Variants in GPATCH2L observed in about 807,000 individuals in gnomAD.
The protein encoded by GPATCH2L is G-patch domain containing 2 like.
Under a neutral mutation model 57.4 loss-of-function variants are expected in GPATCH2L, and 31 were observed. The ratio of observed to expected loss-of-function variants is 0.54; its 90% CI spans 0.41 to 0.73. The LOEUF is 0.73. GPATCH2L is among the 30% of genes least tolerant of loss of function. The pLI, the probability that GPATCH2L is intolerant of heterozygous loss-of-function variation, is 0.00. For synonymous variants in GPATCH2L, 199 were observed against 210.7 expected (o/e 0.94, Z 0.48); for missense variants, 481 against 599.9 (o/e 0.80, Z 2.07).
intron 1 of GPATCH2L, among the ~76,000 whole-genome samples, chr14:76,228,993 A>C (rs1445517234): frequency 2.6e-5 from 4 of 152,186 alleles, no homozygotes; most frequent in African/African-American, 9.7e-5. Flanking sequence ...CATTTGGTGG[A>C]ATGGATGTGG....
intron 8 of GPATCH2L, among the ~76,000 whole-genome samples, chr14:76,181,736 C>T (rs2039566972): frequency 6.6e-6 from 1 of 152,138 alleles, no homozygotes; most frequent in African/African-American, 2.4e-5. Flanking sequence ...TTAATTGTAG[C>T]ACCCCCTACA....
At chr14:76,187,283 T>C (rs12433257) in intron 8 of GPATCH2L, among the ~76,000 whole-genome samples, 33,996 of 151,840 alleles carry the variant, frequency 0.22, 4,506 homozygotes, top group African/African-American at 0.37. Flanking sequence ...GAGTATTAAT[T>C]CTTTCTTTAG....
At position 76,203,840 on chromosome 14, in the gene GPATCH2L, GAA is replaced by G. The variant is rs1394372136; in HGVS notation, c.*1991_*1992del. ...TTAACATACTTGGTTGGGTTTGAGA[GAA>G]ATCTGTGGACGTAATTTTTTGTTTG... is the stretch of plus-strand genomic sequence containing the variant. On this transcript the variant is annotated 3_prime_UTR_variant, in exon 10 of 10. Coordinates refer to ENST00000261530, the MANE Select transcript of GPATCH2L (RefSeq NM_017926.4). The G allele has an allele frequency of 6.6e-6, 1 of 152,230 alleles. No individual in the cohort carries two copies. The highest frequency in any genetic ancestry group is 1.5e-5 in the Non-Finnish European group (1 of 68,052). 9.4% of individuals were successfully genotyped at this position (152,230 alleles called of 1,614,324 possible).
At position 76,195,882 on chromosome 14, in the gene GPATCH2L, G is replaced by A. The variant is rs1337883476; in HGVS notation, c.1198G>A (p.Ala400Thr). Residue 400 changes from alanine to threonine, a missense_variant, in exon 9 of 10, where the codon GCA (alanine) becomes ACA (threonine). Around this residue, in one of 3 missense-constraint regions of GPATCH2L, gnomAD observed 248 missense variants for 270.5 expected, o/e 0.92. Coordinates refer to ENST00000261530, the MANE Select transcript of GPATCH2L (RefSeq NM_017926.4). Reference sequence around the variant, plus strand: ...TTCTTCTTCTTACATCTGCAGACAGGCAAATGTACACTGGGGACCACCATG... The same window carrying A: ...TTCTTCTTCTTACATCTGCAGACAGACAAATGTACACTGGGGACCACCATG... ...CSPAHCSARQ[A>T]NVHWGPPCSR... 3.1e-6 allele frequency: 5 copies of A among 1,612,160 alleles called. No homozygotes were observed. The highest frequency in any genetic ancestry group is 4.2e-6 in the Non-Finnish European group (5 of 1,178,456).
chr14:76,170,114 T>G (rs1182925031), intron 3 of GPATCH2L, among the ~76,000 whole-genome samples: 2 of 152,150 alleles, frequency 1.3e-5, no homozygotes, highest in Non-Finnish European at 2.9e-5. Context: ...TTGAGTAACT[T>G]TCTTAGTTGT....
At chr14:76,162,747 G>A (rs1479297512) in intron 2 of GPATCH2L, among the ~76,000 whole-genome samples, 1 of 152,196 alleles carries the variant, frequency 6.6e-6, no homozygotes, top group Non-Finnish European at 1.5e-5. Flanking sequence ...GTCCCTGAGA[G>A]TATATTTTGG....
chr14:76,171,850 C>T lies in GPATCH2L; in HGVS notation c.735C>T (p.Asp245=), dbSNP rs772258899. ...FTNDEGRQGD[D]EQSDWFYEGE... The stretch of plus-strand genomic sequence containing the variant: ...ATGATGTCTTTACTTTAGGTGATGA[C>T]GAACAGAGTGATTGGTTCTATGAAG... The change falls in exon 4 of 10, where the codon GAC becomes GAT. Residue 245 remains aspartate (D), a synonymous_variant. Transcript: ENST00000261530. 23 of 1,572,834 alleles carry T rather than the reference C, an allele frequency of 1.5e-5. No individual in the cohort carries two copies. The highest frequency in any genetic ancestry group is 8.3e-5 in the South Asian group (7 of 84,708).
chr14:76,194,033 C>G (rs1414118935), intron 8 of GPATCH2L, among the ~76,000 whole-genome samples: 1 of 152,090 alleles, frequency 6.6e-6, no homozygotes, highest in African/African-American at 2.4e-5. Flanking sequence ...TGTAGTGTCA[C>G]TTTATTTTCT....
chr14:76,155,065 A>AT (rs779426925), intron 2 of GPATCH2L, 40 bp downstream of exon 2: 1 of 1,541,946 alleles, frequency 6.5e-7, no homozygotes, highest in African/African-American at 1.4e-5. Flanking sequence ...TTCCTGGTTA[A>AT]TTTTTCCCAA....
At chr14:76,216,778 A>G (rs950764892), downstream of GPATCH2L, among the ~76,000 whole-genome samples, 6 of 152,170 alleles carry the variant, frequency 3.9e-5, no homozygotes, top group Admixed American at 1.3e-4. Context: ...TAGTCCCACT[A>G]CATATTAAAA....
intron 2 of GPATCH2L, among the ~76,000 whole-genome samples, chr14:76,164,118 G>A (rs1012615696): frequency 1.3e-5 from 2 of 152,160 alleles, no homozygotes; most frequent in African/African-American, 4.8e-5. Flanking sequence ...CCCTGGCAAG[G>A]AAGTGGTATT....
chr14:76,162,548 T>C (rs2038641774), intron 2 of GPATCH2L, among the ~76,000 whole-genome samples: 1 of 152,226 alleles, frequency 6.6e-6, no homozygotes, highest in Non-Finnish European at 1.5e-5. Flanking sequence ...GGGAGTCATC[T>C]TGGGAGTCTG....
At chr14:76,167,377 C>G (rs995236654) in intron 3 of GPATCH2L, among the ~76,000 whole-genome samples, 4 of 152,078 alleles carry the variant, frequency 2.6e-5, no homozygotes, top group African/African-American at 9.7e-5. Flanking sequence ...TTTATGTAGC[C>G]TTTTTGGACT....
chr14:76,223,711 T>A lies in GPATCH2L; in HGVS notation c.66-6097T>A, dbSNP rs112892312. On this transcript the variant is annotated intron_variant and NMD_transcript_variant, in intron 1 of 3. Coordinates refer to the GPATCH2L transcript ENST00000556372. ...ATAAGGGTCTGATATCCAGAATATA[T>A]AAAGAACTCTTATGACTCAACAACC... Among the ~76,000 whole-genome samples the A allele has an allele frequency of 3.6e-3, 546 of 152,242 alleles. 5 individuals carry two copies. The highest frequency in any genetic ancestry group is 0.012 in the African/African-American group (513 of 41,554).
intron 8 of GPATCH2L, among the ~76,000 whole-genome samples, chr14:76,184,319 C>T (rs1194685308): frequency 6.6e-6 from 1 of 152,068 alleles, no homozygotes; most frequent in Admixed American, 6.6e-5. Context: ...CCTTTAAGAG[C>T]ACAAAGAGTT....
At position 76,202,718 on chromosome 14, in the gene GPATCH2L, A is replaced by C. The variant is rs942106237; in HGVS notation, c.*867A>C. ...GGCTAATAACCTGCAGCAGAAATTC[A>C]TACTCTATTATAATAATGGCTTCTT... is the stretch of plus-strand genomic sequence containing the variant. On this transcript the variant is annotated 3_prime_UTR_variant, in exon 10 of 10. Transcript: ENST00000261530. 3.9e-5 allele frequency: 6 copies of C among 152,660 alleles called. No individual in the cohort carries two copies. Among genetic ancestry groups the C allele is most frequent in the Admixed American group, 3.3e-4 (5 of 15,284 alleles). The allele number at this position is 152,660 out of a possible 1,614,324, so 9.5% of individuals were successfully genotyped here.
chr14:76,172,946 G>C (rs576633086), intron 4 of GPATCH2L, among the ~76,000 whole-genome samples: 14 of 152,306 alleles, frequency 9.2e-5, no homozygotes, highest in Non-Finnish European at 1.6e-4. Flanking sequence ...ATTTCTAAAA[G>C]TTTCTAATGG....
intron 8 of GPATCH2L, among the ~76,000 whole-genome samples, chr14:76,190,961 G>A (rs534257564): frequency 6.6e-6 from 1 of 152,200 alleles, no homozygotes; most frequent in South Asian, 2.1e-4. Context: ...TTTATACAAT[G>A]TGCCTAATTG....
At chr14:76,224,723 A>G (rs2040529495) in intron 1 of GPATCH2L, among the ~76,000 whole-genome samples, 1 of 152,198 alleles carries the variant, frequency 6.6e-6, no homozygotes, top group African/African-American at 2.4e-5. Context: ...TGCAAAGCAT[A>G]TGATTGTTTA....
Sources: allele counts gnomAD v4.1 joint callset (sites outside exome capture counted in the v4.1 genomes callset), GRCh38; gene constraint gnomAD v4.1.1; regional missense constraint gnomAD v4.1.1; transcripts MANE v1.5; gene names NCBI Gene and HGNC (gene_info 2026-07-23, HGNC 2026-07-21).